Variants in PKD1L1 observed in about 807,000 individuals in gnomAD.
PKD1L1 encodes polycystin-1-like protein 1.
A neutral mutation model predicts 323.4 loss-of-function variants in PKD1L1; 236 were observed. That is an observed-to-expected ratio of 0.73 (90% CI 0.66 to 0.81). PKD1L1 has a LOEUF of 0.81. Among genes scored for constraint, PKD1L1 ranks in the 40% least tolerant of loss-of-function variants. The pLI, the probability that PKD1L1 is intolerant of heterozygous loss-of-function variation, is 0.00. For synonymous variants in PKD1L1, 1,344 were observed against 1,335.0 expected, an observed-to-expected ratio of 1.01 and a Z score of -0.15; for missense variants, 3,320 against 3,508.0, an observed-to-expected ratio of 0.95 and a Z score of 1.35.
At position 47,774,931 on chromosome 7, in the gene PKD1L1, G is replaced by A. The variant is rs17545279; in HGVS notation, c.*212C>T. On this transcript the variant is annotated 3_prime_UTR_variant, in exon 57 of 57. Coordinates refer to ENST00000289672, the MANE Select transcript of PKD1L1 (RefSeq NM_138295.5). ...ATCTTGTCCCACATCTGAACTCTCC[G>A]AATGGTGATTATGAGTAACAGTCTG... The A allele has an allele frequency of 0.14, 79,162 of 585,100 alleles. 6,243 individuals are homozygous for A. Among genetic ancestry groups the A allele is most frequent in the Non-Finnish European group, 0.14 (45,792 of 325,562 alleles). 36.2% of individuals were successfully genotyped at this position (585,100 alleles called of 1,614,324 possible). A position where few individuals can be genotyped will look rare whatever the true frequency, so the allele number is the denominator to read the frequency against.
intron 55 of PKD1L1, among the ~76,000 whole-genome samples, chr7:47,794,372 A>C (rs1341494569): frequency 1.3e-5 from 2 of 152,278 alleles, no homozygotes; most frequent in East Asian, 3.9e-4. Flanking sequence ...TGCTCCAGCC[A>C]TGGCCGAAAG....
chr7:47,823,252 C>T (rs992830838), intron 45 of PKD1L1, among the ~76,000 whole-genome samples: 1 of 152,108 alleles, frequency 6.6e-6, no homozygotes, highest in African/African-American at 2.4e-5. Context: ...TACTTCTAGT[C>T]CTAGTTTGCT....
chr7:47,903,389 G>A (rs1347281550), intron 12 of PKD1L1, among the ~76,000 whole-genome samples: 1 of 152,100 alleles, frequency 6.6e-6, no homozygotes, highest in East Asian at 1.9e-4. Context: ...ACTTCCACAG[G>A]GCACAAAAGG....
chr7:47,839,524 G>C lies in PKD1L1; in HGVS notation c.5691C>G (p.Cys1897Trp). The C allele has an allele frequency of 6.2e-7, 1 of 1,611,914 alleles. No individual in the cohort carries two copies. The highest frequency in any genetic ancestry group is 8.5e-7 in the Non-Finnish European group (1 of 1,179,502). ...CATCATGCCTGCCGGCAGACAGCCA[G>C]CACTGGGCAGGGAAGAACCAGCCCT... is the stretch of plus-strand genomic sequence containing the variant. ...TGQGWFFPAQCWLSAGRHDGR... is the reference protein window; with the variant it reads ...TGQGWFFPAQWWLSAGRHDGR... The change falls in exon 36 of 57, where the codon TGC (cysteine) becomes TGG (tryptophan). Residue 1897 changes from cysteine to tryptophan, a missense_variant. Cys to Trp is a radical substitution (Grantham distance 215). Transcript: ENST00000289672. This position sits in a 1 kb window ranked among gnomAD's most constrained non-coding sequence, Gnocchi z 4.3.
chr7:47,859,628 T>A (rs1157382191), intron 26 of PKD1L1, among the ~76,000 whole-genome samples: 436 of 18,940 alleles, frequency 0.023, 6 homozygotes, highest in African/African-American at 0.052. Flanking sequence ...AAGACATACA[T>A]TTTTTTTTTT....
intron 19 of PKD1L1, among the ~76,000 whole-genome samples, chr7:47,883,154 T>A (rs1238768820): frequency 6.6e-6 from 1 of 152,254 alleles, no homozygotes; most frequent in Admixed American, 6.5e-5. Context: ...GCGTGTGTAC[T>A]GTAAAGACTT....
intron 56 of PKD1L1, among the ~76,000 whole-genome samples, chr7:47,786,628 C>T (rs1379931409): frequency 6.6e-6 from 1 of 152,230 alleles, no homozygotes; most frequent in Non-Finnish European, 1.5e-5. Context: ...CTGCCTTACG[C>T]AATGGTATTC....
intron 1 of PKD1L1, among the ~76,000 whole-genome samples, chr7:47,948,141 C>G (rs1020309475): frequency 1.3e-5 from 2 of 152,166 alleles, no homozygotes; most frequent in Non-Finnish European, 2.9e-5. Context: ...GCAGGAAGAG[C>G]AATCAGCACT....
At chr7:47,920,570 G>A (rs563865017) in intron 7 of PKD1L1, among the ~76,000 whole-genome samples, 1 of 152,080 alleles carries the variant, frequency 6.6e-6, no homozygotes, top group African/African-American at 2.4e-5. Flanking sequence ...CCAAAAAAGA[G>A]GCTGTACATC....
chr7:47,911,145 G>A (rs1037958101), intron 8 of PKD1L1, among the ~76,000 whole-genome samples: 4 of 152,150 alleles, frequency 2.6e-5, no homozygotes, highest in Non-Finnish European at 5.9e-5. Flanking sequence ...CTCATGAATG[G>A]TTTAGTACCA....
At chr7:47,910,826 T>TTTTTTGTGTG (rs762737755) in intron 8 of PKD1L1, among the ~76,000 whole-genome samples, 5 of 126,082 alleles carry the variant, frequency 4.0e-5, no homozygotes, top group African/African-American at 1.7e-4. Context: ...CCAGCTGATT[T>TTTTTTGTGTG]TGTGTGTGTG....
intron 53 of PKD1L1, among the ~76,000 whole-genome samples, chr7:47,802,632 TCAGGTTGGAGA>T (rs1477674657): frequency 6.6e-6 from 1 of 152,198 alleles, no homozygotes; most frequent in East Asian, 1.9e-4. Context: ...CTAGGGCCTG[TCAGGTTGGAGA>T]AAGCTCTTTC....
chr7:47,823,945 T>C (rs1785195637), intron 45 of PKD1L1, among the ~76,000 whole-genome samples: 1 of 152,256 alleles, frequency 6.6e-6, no homozygotes, highest in Non-Finnish European at 1.5e-5. Context: ...ATAGATTTCA[T>C]GAACTTCAAT....
At position 47,868,790 on chromosome 7, in the gene PKD1L1, G is replaced by C. The variant is rs561144233; in HGVS notation, c.3897-2176C>G. 5.3e-5 allele frequency among the ~76,000 whole-genome samples: 8 copies of C among 152,274 alleles called. No homozygotes were observed. The South Asian group carries it at 1.7e-3, about 32-fold the overall frequency. On this transcript the variant is annotated intron_variant, in intron 24 of 56. Coordinates refer to ENST00000289672, the MANE Select transcript of PKD1L1 (RefSeq NM_138295.5). ...CTTCAGAGGCTGAGGCAGTAGAATC[G>C]CTTGAACCCAGGAGGCGGAGGTTGC...
chr7:47,940,103 T>G, intron 3 of PKD1L1, 90 bp downstream of exon 3: 1 of 1,512,624 alleles, frequency 6.6e-7, no homozygotes, highest in South Asian at 1.2e-5. Context: ...CCTGATGAAT[T>G]CCTGATGAAA....
intron 23 of PKD1L1, 48 bp downstream of exon 23, chr7:47,876,049 A>T: frequency 6.3e-7 from 1 of 1,598,856 alleles, no homozygotes; most frequent in Middle Eastern, 1.7e-4. Flanking sequence ...AAAGGTTTAG[A>T]ACTGTAGGTT....
chr7:47,797,108 A>G (rs1266227600), intron 54 of PKD1L1, among the ~76,000 whole-genome samples: 1 of 152,056 alleles, frequency 6.6e-6, no homozygotes, highest in East Asian at 1.9e-4. Flanking sequence ...TGATAATGTT[A>G]TAAGGCCCCA....
chr7:47,898,278 C>T (rs1055963257), intron 13 of PKD1L1, 84 bp from the exon 14 acceptor site: 14 of 1,124,470 alleles, frequency 1.2e-5, no homozygotes, highest in African/African-American at 4.7e-5. Flanking sequence ...TTAGTCTTAA[C>T]TGTAGATCTC....
chr7:47,804,206 C>T (rs1456918439), intron 52 of PKD1L1, among the ~76,000 whole-genome samples: 4 of 152,156 alleles, frequency 2.6e-5, no homozygotes, highest in East Asian at 1.9e-4. Flanking sequence ...TGGCTGTCAC[C>T]CCTCGGGTTC....
Sources: allele counts gnomAD v4.1 joint callset (sites outside exome capture counted in the v4.1 genomes callset), GRCh38; gene constraint gnomAD v4.1.1; non-coding constraint Gnocchi (gnomAD v3.1); transcripts MANE v1.5; gene names NCBI Gene and HGNC (gene_info 2026-07-23, HGNC 2026-07-21).